Variants in MAP2K6 observed in about 807,000 individuals in gnomAD.
MAP2K6 encodes mitogen-activated protein kinase kinase 6.
Under a neutral mutation model 53.7 loss-of-function variants are expected in MAP2K6, and 16 were observed. That is an observed-to-expected ratio of 0.30 (90% CI 0.20 to 0.45). The LOEUF is 0.45. Ranked by LOEUF, MAP2K6 falls within the 20% of genes least tolerant of loss-of-function variation. MAP2K6 has a pLI of 1.00. For synonymous variants in MAP2K6, 132 were observed against 143.1 expected (o/e 0.92, Z 0.55); for missense variants, 204 against 411.9 (o/e 0.50, Z 4.37).
intron 1 of MAP2K6, among the ~76,000 whole-genome samples, chr17:69,500,875 G>A (rs149103594): frequency 1.8e-4 from 27 of 152,292 alleles, no homozygotes; most frequent in African/African-American, 6.3e-4. Flanking sequence ...CAGTGGTTTT[G>A]GAAGATTGGA....
chr17:69,536,592 G>T lies in MAP2K6; in HGVS notation c.927+432G>T, dbSNP rs1349526921. On this transcript the variant is annotated intron_variant, in intron 11 of 11. Transcript: ENST00000590474. ...AATTAGATGAACAACTTTTTGGGGGGTAGCTAAGGAGGAAAAAAAATTTTG... is the reference window on the plus strand; with the variant it reads ...AATTAGATGAACAACTTTTTGGGGGTTAGCTAAGGAGGAAAAAAAATTTTG... Among the ~76,000 whole-genome samples the T allele has an allele frequency of 3.3e-5, 5 of 152,172 alleles. No homozygotes were observed. The South Asian group carries it at 1.0e-3, about 32-fold the overall frequency.
intron 1 of MAP2K6, among the ~76,000 whole-genome samples, chr17:69,476,363 G>C (rs1908150194): frequency 6.6e-6 from 1 of 152,120 alleles, no homozygotes; most frequent in Non-Finnish European, 1.5e-5. Context: ...CAGGGCCGGG[G>C]CGTGAATCAA....
At chr17:69,505,142 A>C (rs1423587725) in intron 1 of MAP2K6, among the ~76,000 whole-genome samples, 1 of 151,784 alleles carries the variant, frequency 6.6e-6, no homozygotes, top group Non-Finnish European at 1.5e-5. Context: ...AGAAAAAAAA[A>C]ACAAAAACAA....
intron 1 of MAP2K6, among the ~76,000 whole-genome samples, chr17:69,495,524 C>CT (rs1382738720): frequency 1.3e-5 from 2 of 152,188 alleles, no homozygotes; most frequent in Non-Finnish European, 2.9e-5. Flanking sequence ...GCTTGAGCTA[C>CT]TGCGCCTGGC....
intron 10 of MAP2K6, among the ~76,000 whole-genome samples, chr17:69,534,992 A>AT (rs1327892452): frequency 8.2e-6 from 1 of 122,462 alleles, no homozygotes; most frequent in Non-Finnish European, 1.8e-5. Context: ...TTTTTTTTTC[A>AT]TTTTAAGGCC....
At chr17:69,482,662 T>A (rs184003216) in intron 1 of MAP2K6, among the ~76,000 whole-genome samples, 52 of 148,544 alleles carry the variant, frequency 3.5e-4, no homozygotes, top group African/African-American at 1.3e-3. Flanking sequence ...CATTGTTGAA[T>A]GCCCTGTTCC....
rs1016153598 is a variant in MAP2K6, at chr17:69,550,987, A to C, written c.*9234A>C. On this transcript the variant is annotated 3_prime_UTR_variant, in exon 12 of 12. Coordinates refer to ENST00000590474, the MANE Select transcript of MAP2K6 (RefSeq NM_002758.4). The stretch of plus-strand genomic sequence containing the variant: ...AGACAGGGTCATTTAATTTTAATTG[A>C]GCATAAATCATTTTGAAAGAAAAAT... 6.6e-6 allele frequency: 1 copy of C among 152,178 alleles called. No individual in the cohort carries two copies. Among genetic ancestry groups the C allele is most frequent in the Non-Finnish European group, 1.5e-5 (1 of 68,030 alleles). 9.4% of individuals were successfully genotyped at this position (152,178 alleles called of 1,614,324 possible). A position where few individuals can be genotyped will look rare whatever the true frequency, so the allele number is the denominator to read the frequency against.
At chr17:69,461,119 A>G (rs903801246) in intron 1 of MAP2K6, among the ~76,000 whole-genome samples, 1 of 152,226 alleles carries the variant, frequency 6.6e-6, no homozygotes, top group African/African-American at 2.4e-5. Flanking sequence ...TATAAAAAGC[A>G]TATAGTAAAA....
At chr17:69,424,454 A>G (rs537419671) in intron 1 of MAP2K6, among the ~76,000 whole-genome samples, 2 of 152,316 alleles carry the variant, frequency 1.3e-5, no homozygotes, top group South Asian at 2.1e-4. Context: ...TACTCTCACT[A>G]TGGATCAGTG....
intron 6 of MAP2K6, chr17:69,520,713 T>G: frequency 2.6e-6 from 1 of 377,418 alleles, no homozygotes; most frequent in Non-Finnish European, 4.7e-6. Flanking sequence ...CTCTTGAGAC[T>G]AGTAGGCATA....
rs182772632 is a variant in MAP2K6, at chr17:69,470,716, C to A, written c.17-35064C>A. On this transcript the variant is annotated intron_variant, in intron 1 of 11. Transcript: ENST00000590474. ...GCTTCAAACTCCTCAACGGCACTAC[C>A]TGCTTACCTCTGTTTTTGTTTCCTG... 4.6e-5 allele frequency among the ~76,000 whole-genome samples: 7 copies of A among 152,336 alleles called. No homozygotes were observed. In the East Asian group the frequency reaches 1.3e-3, roughly 29 times the overall value.
At chr17:69,479,032 G>T (rs1471020562) in intron 1 of MAP2K6, among the ~76,000 whole-genome samples, 1 of 152,018 alleles carries the variant, frequency 6.6e-6, no homozygotes, top group Non-Finnish European at 1.5e-5. Context: ...TTCTTTCTAG[G>T]TCTGATGTGG....
At chr17:69,486,279 T>G (rs903578956) in intron 1 of MAP2K6, among the ~76,000 whole-genome samples, 2 of 152,226 alleles carry the variant, frequency 1.3e-5, no homozygotes, top group African/African-American at 4.8e-5. Flanking sequence ...TGTTTATATT[T>G]TAGGCATTGG....
At chr17:69,519,581 C>G (rs985647262) in intron 5 of MAP2K6, 149 bp downstream of exon 5, 9 of 848,164 alleles carry the variant, frequency 1.1e-5, no homozygotes, top group Admixed American at 5.6e-5. Flanking sequence ...TGATGACATG[C>G]CCTGGAGCAA....
chr17:69,529,752 T>C (rs2716200), intron 10 of MAP2K6, among the ~76,000 whole-genome samples: 104,807 of 151,942 alleles, frequency 0.69, 37,812 homozygotes, highest in African/African-American at 0.92. Flanking sequence ...CCTCGTGATC[T>C]GCCCCGCCTC....
intron 1 of MAP2K6, among the ~76,000 whole-genome samples, chr17:69,442,435 C>T (rs1906850057): frequency 6.6e-6 from 1 of 152,232 alleles, no homozygotes; most frequent in Non-Finnish European, 1.5e-5. Flanking sequence ...GCCACCACTT[C>T]ATACTTGATA....
chr17:69,450,289 G>A (rs1907175895), intron 1 of MAP2K6, among the ~76,000 whole-genome samples: 1 of 151,996 alleles, frequency 6.6e-6, no homozygotes, highest in Non-Finnish European at 1.5e-5. Context: ...CATTTTACAA[G>A]CAGTAGGCAC....
At position 69,552,657 on chromosome 17, in the gene MAP2K6, G is replaced by T. The variant is rs1055150264; in HGVS notation, c.*10904G>T. ...TGAAGAAGGAAAGAAGGAGTTGGGG[G>T]TGTATATCTAACTGTGTTTTTCTAT... On this transcript the variant is annotated 3_prime_UTR_variant, in exon 12 of 12. Coordinates refer to ENST00000590474, the MANE Select transcript of MAP2K6 (RefSeq NM_002758.4). 2 of 152,192 alleles carry T rather than the reference G, an allele frequency of 1.3e-5. No homozygotes were observed. Among genetic ancestry groups the T allele is most frequent in the Non-Finnish European group, 2.9e-5 (2 of 68,050 alleles). The allele number at this position is 152,192 out of a possible 1,614,324, so 9.4% of individuals were successfully genotyped here. A position where few individuals can be genotyped will look rare whatever the true frequency, so the allele number is the denominator to read the frequency against.
intron 1 of MAP2K6, among the ~76,000 whole-genome samples, chr17:69,474,460 T>C (rs1908073719): frequency 6.6e-6 from 1 of 152,240 alleles, no homozygotes; most frequent in Non-Finnish European, 1.5e-5. Context: ...CTAGATTCCA[T>C]GCGTTCATCT....
Sources: gnomAD v4.1 joint callset for allele counts (sites outside exome capture counted in the v4.1 genomes callset) on GRCh38, gnomAD v4.1.1 for gene constraint, MANE v1.5 for transcripts, NCBI Gene and HGNC (gene_info 2026-07-23, HGNC 2026-07-21) for gene names.